AKAP13: variants seen among roughly 807,000 people sequenced by gnomAD.
AKAP13 encodes the protein A-kinase anchor protein 13.
In AKAP13, 80 loss-of-function variants were observed where a neutral mutation model predicts 264.5. The observed-to-expected ratio is 0.30, with a 90% confidence interval of 0.25 to 0.36. The LOEUF (loss-of-function observed/expected upper bound fraction) is 0.36. Among genes scored for constraint, AKAP13 ranks in the 10% least tolerant of loss-of-function variants. The pLI, the probability that AKAP13 is intolerant of heterozygous loss-of-function variation, is 1.00. For missense variants in AKAP13, 3,712 were observed against 3,435.2 expected, an observed-to-expected ratio of 1.08 and a Z score of -2.01; for synonymous variants, 1,380 against 1,250.2, an observed-to-expected ratio of 1.10 and a Z score of -2.19.
chr15:85,666,196 T>C (rs1414409030), intron 13 of AKAP13, among the ~76,000 whole-genome samples: 1 of 152,232 alleles, frequency 6.6e-6, no homozygotes, highest in Non-Finnish European at 1.5e-5. Flanking sequence ...TGTTGTTTGC[T>C]GACTTTTTAA....
intron 11 of AKAP13, 88 bp downstream of exon 11, chr15:85,655,875 T>G: frequency 6.7e-7 from 1 of 1,497,014 alleles, no homozygotes; most frequent in South Asian, 1.4e-5. Flanking sequence ...TAAAAGAATT[T>G]AGGAGACCCC....
chr15:85,487,949 G>A (rs1427704530), intron 2 of AKAP13, among the ~76,000 whole-genome samples: 1 of 152,216 alleles, frequency 6.6e-6, no homozygotes, highest in African/African-American at 2.4e-5. Flanking sequence ...CCAGGCTGGA[G>A]TGCAGTGGCG....
chr15:85,397,219 C>T (rs1045515537), intron 1 of AKAP13, among the ~76,000 whole-genome samples: 18 of 152,118 alleles, frequency 1.2e-4, no homozygotes, highest in African/African-American at 4.1e-4. Flanking sequence ...GGCCCAAAAA[C>T]AACTGATACA....
chr15:85,529,843 C>T (rs1194688754), intron 3 of AKAP13, among the ~76,000 whole-genome samples: 1 of 152,164 alleles, frequency 6.6e-6, no homozygotes, highest in Non-Finnish European at 1.5e-5. Context: ...TCTTTTAACC[C>T]TCAGGTTTTC....
intron 17 of AKAP13, 24 bp downstream of exon 17, chr15:85,693,475 C>T (rs1259636740): frequency 4.4e-6 from 7 of 1,608,294 alleles, no homozygotes; most frequent in South Asian, 1.1e-5. Flanking sequence ...TTCTTCCTCT[C>T]GTAAGATGGA....
intron 2 of AKAP13, among the ~76,000 whole-genome samples, chr15:85,497,650 T>G (rs956703843): frequency 6.6e-6 from 1 of 152,176 alleles, no homozygotes; most frequent in Non-Finnish European, 1.5e-5. Context: ...TGTGACTGTT[T>G]AATTAAAGTG....
At chr15:85,733,985 C>T (rs1216044574) in intron 30 of AKAP13, among the ~76,000 whole-genome samples, 4 of 143,992 alleles carry the variant, frequency 2.8e-5, no homozygotes, top group South Asian at 4.4e-4. Flanking sequence ...GGTTTATGGG[C>T]ATGCACCACC....
intron 1 of AKAP13, among the ~76,000 whole-genome samples, chr15:85,420,702 A>G (rs1226965178): frequency 6.6e-6 from 1 of 152,216 alleles, no homozygotes; most frequent in Non-Finnish European, 1.5e-5. Context: ...TGTAAGGGAA[A>G]TTATCTGAAT....
rs1022576049 is a variant in AKAP13, at chr15:85,728,354, A to G, written c.7087+891A>G. Among the ~76,000 whole-genome samples, 17 of 152,350 alleles carry G rather than the reference A, an allele frequency of 1.1e-4. No homozygotes were observed. In the East Asian group the frequency reaches 3.3e-3, roughly 29 times the overall value. On this transcript the variant is annotated intron_variant, in intron 29 of 36. Coordinates refer to ENST00000394518, the MANE Select transcript of AKAP13 (RefSeq NM_007200.5). ...ATTCTGTCTCACTGAGGGGGAAATT[A>G]AAAATATGGACAGCTTTAGACCAGA...
At position 85,718,911 on chromosome 15, in the gene AKAP13, A is replaced by G; in HGVS notation, c.6002-165A>G. On this transcript the variant is annotated intron_variant, in intron 22 of 36. Coordinates refer to ENST00000394518, the MANE Select transcript of AKAP13 (RefSeq NM_007200.5). This position sits in a 1 kb window ranked among gnomAD's most constrained non-coding sequence, Gnocchi z 4.9. The stretch of plus-strand genomic sequence containing the variant: ...CAGAACCTGTCTTAAAAAAAAAACA[A>G]AAAAACAAAAAAACGAGAACACTTT... 3.9e-6 allele frequency: 4 copies of G among 1,038,774 alleles called. No individual in the cohort carries two copies. Among genetic ancestry groups the G allele is most frequent in the South Asian group, 1.7e-5 (1 of 58,904 alleles). 64.3% of individuals were successfully genotyped at this position (1,038,774 alleles called of 1,614,324 possible).
At chr15:85,425,531 C>T (rs1004489865) in intron 1 of AKAP13, among the ~76,000 whole-genome samples, 26 of 152,182 alleles carry the variant, frequency 1.7e-4, no homozygotes, top group Middle Eastern at 3.4e-3. Context: ...GCCTGGCCAA[C>T]ATGGTGAAAC....
intron 2 of AKAP13, among the ~76,000 whole-genome samples, chr15:85,503,674 T>C (rs1195374289): frequency 6.6e-6 from 1 of 152,156 alleles, no homozygotes; most frequent in Non-Finnish European, 1.5e-5. Flanking sequence ...AGGCATAGTA[T>C]GTATTAGATC....
chr15:85,545,784 A>T (rs1044017888), intron 5 of AKAP13, among the ~76,000 whole-genome samples: 10 of 152,220 alleles, frequency 6.6e-5, no homozygotes, highest in African/African-American at 2.2e-4. Context: ...TTAAAGAATC[A>T]AGAATGATCA....
intron 12 of AKAP13, among the ~76,000 whole-genome samples, chr15:85,659,871 G>T (rs1202251967): frequency 6.6e-6 from 1 of 152,136 alleles, no homozygotes; most frequent in African/African-American, 2.4e-5. Flanking sequence ...GACATTTGTT[G>T]TTTTTTAATC....
Position 85,719,143 on chromosome 15 carries a change from G to A in AKAP13, c.6069G>A (p.Gly2023=). 2 of 1,614,176 alleles carry A rather than the reference G, an allele frequency of 1.2e-6. No individual in the cohort carries two copies. The highest frequency in any genetic ancestry group is 1.7e-6 in the Non-Finnish European group (2 of 1,180,030). ...TCATGAGTGGTGTGTACAGCCAGGG[G>A]ATGATGGCGGATCTGCTTTTTGAGC... is the stretch of plus-strand genomic sequence containing the variant. The part of the protein sequence containing the change: ...LKIMSGVYSQ[G]MMADLLFEQQ... Residue 2023 remains glycine (G), a synonymous_variant, in exon 23 of 37, where the codon GGG becomes GGA. Transcript: ENST00000394518.
At chr15:85,740,937 T>C (rs1283860089) in intron 34 of AKAP13, 109 bp from the exon 35 acceptor site, 1 of 1,487,324 alleles carries the variant, frequency 6.7e-7, no homozygotes, top group African/African-American at 1.4e-5. Context: ...AGGGGAGAGT[T>C]CTAGTCCGTC....
chr15:85,405,938 C>T (rs1427126373), intron 1 of AKAP13, among the ~76,000 whole-genome samples: 1 of 152,066 alleles, frequency 6.6e-6, no homozygotes, highest in Non-Finnish European at 1.5e-5. Context: ...ACCTTGAACT[C>T]CTGGGCTCAA....
chr15:85,558,005 A>G (rs2078213432), intron 5 of AKAP13, among the ~76,000 whole-genome samples: 2 of 152,134 alleles, frequency 1.3e-5, no homozygotes, highest in African/African-American at 2.4e-5. Context: ...ATTCCTATCT[A>G]TGCTATGCCT....
At chr15:85,564,079 A>C (rs1017083701) in intron 5 of AKAP13, among the ~76,000 whole-genome samples, 1 of 152,230 alleles carries the variant, frequency 6.6e-6, no homozygotes, top group African/African-American at 2.4e-5. Context: ...TAAGAGGATT[A>C]AATTAGTGTA....
Sources: gnomAD v4.1 joint callset for allele counts (sites outside exome capture counted in the v4.1 genomes callset) on GRCh38, gnomAD v4.1.1 for gene constraint, Gnocchi (gnomAD v3.1) non-coding constraint, MANE v1.5 for transcripts, NCBI Gene and HGNC (gene_info 2026-07-23, HGNC 2026-07-21) for gene names.